SDK1: variants seen among roughly 807,000 people sequenced by gnomAD.
SDK1 encodes the protein protein sidekick-1.
Under a neutral mutation model 245.5 loss-of-function variants are expected in SDK1, and 157 were observed. The observed-to-expected ratio is 0.64, with a 90% CI of 0.56 to 0.73. SDK1 has a LOEUF of 0.73. Among genes scored for constraint, SDK1 ranks in the 30% least tolerant of loss-of-function variants. The probability of loss-of-function intolerance (pLI) is 0.00; values close to 1 mark genes in which losing one functional copy is unlikely to be tolerated. For synonymous variants in SDK1, 1,647 were observed against 1,278.5 expected (o/e 1.29, Z -6.15); for missense variants, 3,583 against 3,002.3 (o/e 1.19, Z -4.52).
intron 35 of SDK1, among the ~76,000 whole-genome samples, chr7:4,193,879 TC>T (rs1783381858): frequency 6.6e-6 from 1 of 152,160 alleles, no homozygotes; most frequent in Non-Finnish European, 1.5e-5. Context: ...TTCTTGGTTC[TC>T]CACACATGGT....
chr7:4,117,189 C>T (rs1449518179), intron 25 of SDK1, among the ~76,000 whole-genome samples: 2 of 152,186 alleles, frequency 1.3e-5, no homozygotes, highest in Admixed American at 6.5e-5. Flanking sequence ...AATGTATTGG[C>T]CAGGCAGGGT....
At chr7:4,242,912 C>T (rs529239285) in intron 43 of SDK1, among the ~76,000 whole-genome samples, 1 of 152,350 alleles carries the variant, frequency 6.6e-6, no homozygotes, top group South Asian at 2.1e-4. Flanking sequence ...CTCCCAGCCA[C>T]TGACGCTCTG....
intron 1 of SDK1, among the ~76,000 whole-genome samples, chr7:3,533,421 T>TTTATTATTATTA (rs1783414959): frequency 6.6e-6 from 1 of 152,190 alleles, no homozygotes; most frequent in Non-Finnish European, 1.5e-5. Flanking sequence ...TAACATGAAT[T>TTTATTATTATTA]TTATTATTCT....
At chr7:3,789,876 C>G (rs970508236) in intron 4 of SDK1, among the ~76,000 whole-genome samples, 1 of 151,384 alleles carries the variant, frequency 6.6e-6, no homozygotes, top group Admixed American at 6.6e-5. Flanking sequence ...TCAGTTTACC[C>G]GCGCACCCTG....
chr7:3,447,588 C>G (rs1232375439), intron 1 of SDK1, among the ~76,000 whole-genome samples: 1 of 151,400 alleles, frequency 6.6e-6, no homozygotes, highest in Non-Finnish European at 1.5e-5. Context: ...TATGAATGTA[C>G]TAATTAATTC....
intron 30 of SDK1, among the ~76,000 whole-genome samples, chr7:4,156,328 A>G (rs1219021747): frequency 6.6e-6 from 1 of 152,140 alleles, no homozygotes; most frequent in Non-Finnish European, 1.5e-5. Context: ...ACAGAGGGGA[A>G]ATTGTTTGTT....
chr7:3,864,020 A>C (rs1780760082), intron 5 of SDK1, among the ~76,000 whole-genome samples: 2 of 152,226 alleles, frequency 1.3e-5, no homozygotes, highest in African/African-American at 4.8e-5. Context: ...TGTTTTCCAC[A>C]ATGATCACAG....
intron 35 of SDK1, among the ~76,000 whole-genome samples, chr7:4,187,586 G>C (rs60407678): frequency 2.0e-5 from 3 of 152,172 alleles, no homozygotes; most frequent in African/African-American, 7.2e-5. Context: ...TTAAATGACT[G>C]GTCTGTGATT....
intron 4 of SDK1, among the ~76,000 whole-genome samples, chr7:3,739,424 T>C (rs1779413378): frequency 6.6e-6 from 1 of 152,192 alleles, no homozygotes; most frequent in Admixed American, 6.5e-5. Context: ...TTTCTATTAG[T>C]TGTGTGTTGG....
chr7:4,080,257 G>A (rs1780969994), intron 22 of SDK1, among the ~76,000 whole-genome samples: 1 of 152,052 alleles, frequency 6.6e-6, no homozygotes, highest in African/African-American at 2.4e-5. Context: ...CTTCCGGTCC[G>A]ACTCCAGCTG....
At chr7:4,192,385 C>G (rs925928333) in intron 35 of SDK1, among the ~76,000 whole-genome samples, 1 of 152,094 alleles carries the variant, frequency 6.6e-6, no homozygotes, top group Non-Finnish European at 1.5e-5. Flanking sequence ...ACACCATTCT[C>G]CTGCCTCAGC....
At chr7:3,580,600 AT>A (rs1201447412) in intron 1 of SDK1, among the ~76,000 whole-genome samples, 4 of 152,032 alleles carry the variant, frequency 2.6e-5, no homozygotes, top group Non-Finnish European at 5.9e-5. Flanking sequence ...TATGCAGGGG[AT>A]TTTTTTACAC....
chr7:3,383,154 A>C (rs1781531341), intron 1 of SDK1, among the ~76,000 whole-genome samples: 1 of 152,190 alleles, frequency 6.6e-6, no homozygotes, highest in African/African-American at 2.4e-5. Flanking sequence ...GCTCAGGCCT[A>C]TAATCCTGGC....
chr7:3,677,673 A>G (rs1465546392), intron 4 of SDK1, among the ~76,000 whole-genome samples: 6 of 152,370 alleles, frequency 3.9e-5, no homozygotes, highest in Middle Eastern at 3.4e-3. Flanking sequence ...TGTTAAATGT[A>G]AAGACAGTGT....
At chr7:3,749,168 G>A (rs1057160718) in intron 4 of SDK1, among the ~76,000 whole-genome samples, 5 of 151,994 alleles carry the variant, frequency 3.3e-5, no homozygotes, top group African/African-American at 7.3e-5. Flanking sequence ...AGGGAGTCTC[G>A]CTCTGTCACC....
chr7:3,901,212 G>C (rs1353376680), intron 5 of SDK1, among the ~76,000 whole-genome samples: 2 of 151,176 alleles, frequency 1.3e-5, no homozygotes, highest in Non-Finnish European at 2.9e-5. Context: ...TTTCCCGACA[G>C]AGTCTTGCTC....
At chr7:4,188,095 C>T (rs1413370313) in intron 35 of SDK1, among the ~76,000 whole-genome samples, 1 of 152,214 alleles carries the variant, frequency 6.6e-6, no homozygotes, top group Non-Finnish European at 1.5e-5. Context: ...TCAATTCTCT[C>T]TCGCTGGGCC....
At chr7:3,703,839 T>C (rs113181744) in intron 4 of SDK1, among the ~76,000 whole-genome samples, 2,122 of 152,362 alleles carry the variant, frequency 0.014, 52 homozygotes, top group African/African-American at 0.048. Context: ...ATTGTGTTTT[T>C]GTTTTGTGTT....
At chr7:3,712,165 G>A (rs1215262683) in intron 4 of SDK1, among the ~76,000 whole-genome samples, 4 of 152,272 alleles carry the variant, frequency 2.6e-5, no homozygotes, top group East Asian at 1.9e-4. Flanking sequence ...GCAAGTGAGC[G>A]AAGTCTCATC....
Sources: gnomAD v4.1 joint callset for allele counts (sites outside exome capture counted in the v4.1 genomes callset) on GRCh38, gnomAD v4.1.1 for gene constraint, MANE v1.5 for transcripts, NCBI Gene and HGNC (gene_info 2026-07-23, HGNC 2026-07-21) for gene names.